The following PCDHGB2 variants were observed in gnomAD, a reference collection of about 807,000 sequenced individuals.
The protein encoded by PCDHGB2 is protocadherin gamma-B2.
PCDHGB2 carries 55 observed loss-of-function variants against 59.3 expected under a neutral mutation model. The observed-to-expected ratio is 0.93, with a 90% CI of 0.75 to 1.16. PCDHGB2 has a LOEUF of 1.16. Ranked by LOEUF, PCDHGB2 falls within the 50% of genes most tolerant of loss-of-function variation. PCDHGB2 has a pLI of 0.00. For synonymous variants in PCDHGB2, 516 were observed against 512.0 expected, an observed-to-expected ratio of 1.01 and a Z score of -0.11; for missense variants, 1,228 against 1,198.5, an observed-to-expected ratio of 1.02 and a Z score of -0.36.
chr5:141,370,731 C>T (rs757565497), intron 1 of PCDHGB2: 6 of 1,613,798 alleles, frequency 3.7e-6, no homozygotes, highest in Non-Finnish European at 5.1e-6. Context: ...TGCTGAAAAG[C>T]CTTTAAACTT....
intron 2 of PCDHGB2, among the ~76,000 whole-genome samples, chr5:141,498,277 G>T (rs1216561939): frequency 6.6e-6 from 1 of 151,924 alleles, no homozygotes; most frequent in African/African-American, 2.4e-5. Flanking sequence ...CAGTAAACTT[G>T]GTTCAAGATC....
chr5:141,495,921 T>C (rs959070876), intron 2 of PCDHGB2, among the ~76,000 whole-genome samples: 1 of 152,196 alleles, frequency 6.6e-6, no homozygotes, highest in Non-Finnish European at 1.5e-5. Context: ...TCTTTCTTTG[T>C]CTCTGTCTCT....
In PCDHGB2 at chr5:141,489,077, C is replaced by CCCCCCACCGGG; in HGVS notation, c.2422-5730_2422-5729insCCCCCACCGGG. ...AGCTCCCCTCCCCCCTGCCCACCCCCGCCACTCGGTGACTAAGAACTGCTG... is the reference window on the plus strand; with the variant it reads ...AGCTCCCCTCCCCCCTGCCCACCCCCCCCCCACCGGGGCCACTCGGTGACTAAGAACTGCTG... On this transcript the variant is annotated intron_variant, in intron 1 of 3. Transcript: ENST00000522605. The surrounding 1 kb of genome is among the most constrained non-coding windows in gnomAD (Gnocchi z 4.5). 6.1e-6 allele frequency: 2 copies of CCCCCCACCGGG among 325,756 alleles called. No individual in the cohort carries two copies. Among genetic ancestry groups the CCCCCCACCGGG allele is most frequent in the Non-Finnish European group, 5.5e-6 (1 of 181,460 alleles). The allele number at this position is 325,756 out of a possible 1,614,324, so 20.2% of individuals were successfully genotyped here.
chr5:141,414,263 A>G, intron 1 of PCDHGB2: 1 of 1,613,500 alleles, frequency 6.2e-7, no homozygotes, highest in Non-Finnish European at 8.5e-7. Flanking sequence ...GTGACTGAAG[A>G]TTCACCTCTG....
chr5:141,502,238 T>C (rs2099813398), intron 2 of PCDHGB2, among the ~76,000 whole-genome samples: 1 of 152,204 alleles, frequency 6.6e-6, no homozygotes, highest in Admixed American at 6.5e-5. Flanking sequence ...TGTGTTCTTT[T>C]ATCCTTTTTT....
At position 141,485,120 on chromosome 5, in the gene PCDHGB2, G is replaced by A. The variant is rs2099607447; in HGVS notation, c.2422-9687G>A. On this transcript the variant is annotated intron_variant, in intron 1 of 3. Coordinates refer to ENST00000522605, the MANE Select transcript of PCDHGB2 (RefSeq NM_018923.3). The surrounding 1 kb of genome is among the most constrained non-coding windows in gnomAD (Gnocchi z 5.7). ...TCCAGCTGCTGTGGCTGTTTGGGGC[G>A]GGTCGGCTTCATCCGCGTCTCAGGA... The A allele has an allele frequency of 1.5e-6, 2 of 1,348,050 alleles. No homozygotes were observed. Among genetic ancestry groups the A allele is most frequent in the Non-Finnish European group, 2.1e-6 (2 of 952,710 alleles). 83.5% of individuals were successfully genotyped at this position (1,348,050 alleles called of 1,614,324 possible).
intron 1 of PCDHGB2, among the ~76,000 whole-genome samples, chr5:141,482,053 C>G (rs2099551080): frequency 6.6e-6 from 1 of 150,558 alleles, no homozygotes; most frequent in Non-Finnish European, 1.5e-5. Flanking sequence ...CTGTTGCATT[C>G]CAGCCTGGGC....
intron 2 of PCDHGB2, among the ~76,000 whole-genome samples, chr5:141,503,682 G>A (rs1430771639): frequency 1.3e-5 from 2 of 151,974 alleles, no homozygotes; most frequent in South Asian, 4.1e-4. Flanking sequence ...CTTTTGGGAA[G>A]GAGAATTGAG....
At chr5:141,419,311 C>G (rs745852942) in intron 1 of PCDHGB2, 1 of 1,613,994 alleles carries the variant, frequency 6.2e-7, no homozygotes, top group Non-Finnish European at 8.5e-7. Flanking sequence ...TCGGGCTCAA[C>G]GGCCGTGTCT....
intron 1 of PCDHGB2, chr5:141,405,408 TTTTTTTG>T (rs2094659443): frequency 2.5e-6 from 4 of 1,572,390 alleles, no homozygotes; most frequent in African/African-American, 1.4e-5. Flanking sequence ...CTTTCTTTTC[TTTTTTTG>T]TTTTTTGTTT....
chr5:141,423,895 G>T, intron 1 of PCDHGB2: 1 of 1,277,758 alleles, frequency 7.8e-7, no homozygotes, highest in Non-Finnish European at 9.9e-7. Flanking sequence ...ATTTTCTTTT[G>T]ATTTCAAAGG....
chr5:141,469,505 G>T (rs2099202987), intron 1 of PCDHGB2, among the ~76,000 whole-genome samples: 1 of 152,138 alleles, frequency 6.6e-6, no homozygotes. Flanking sequence ...AACCCGGGAG[G>T]TGGAGGTTGC....
At chr5:141,379,474 T>C (rs1775619669) in intron 1 of PCDHGB2, 1 of 152,258 alleles carries the variant, frequency 6.6e-6, no homozygotes, top group Non-Finnish European at 1.5e-5. Context: ...AGTGTGAATG[T>C]TATTTTACTA....
rs563654735 is a variant in PCDHGB2 at position 141,365,009 on chromosome 5, C to T, written c.2421+2453C>T. On this transcript the variant is annotated intron_variant, in intron 1 of 3. Coordinates refer to ENST00000522605, the MANE Select transcript of PCDHGB2 (RefSeq NM_018923.3). ...AGACCCGGTACTCTCCGGCACCACG[C>T]ACATCCGTGTTACGGTCCTCGACGC... The T allele has an allele frequency of 7.4e-5, 119 of 1,613,926 alleles. No homozygotes were observed. The East Asian group carries it at 2.6e-3, about 36-fold the overall frequency.
chr5:141,389,726 C>T (rs150721796), intron 1 of PCDHGB2: 77,154 of 1,612,710 alleles, frequency 0.048, 2,225 homozygotes, highest in Non-Finnish European at 0.054. Context: ...AGCCCGGGCT[C>T]TTCAGCCTGG....
intron 1 of PCDHGB2, chr5:141,393,124 T>A: frequency 6.2e-7 from 1 of 1,613,430 alleles, no homozygotes; most frequent in Non-Finnish European, 8.5e-7. Flanking sequence ...CGGTGTCTGA[T>A]AAATATTAAC....
rs369529373 is a variant in PCDHGB2 at position 141,458,890 on chromosome 5, C to T, written c.2422-35917C>T. Among the ~76,000 whole-genome samples, 87 of 152,160 alleles carry T rather than the reference C, an allele frequency of 5.7e-4. 1 individual carries two copies. In the South Asian group the frequency reaches 0.016, roughly 28 times the overall value. ...TGGGACTACAGGCATGCACACCATG[C>T]GCAGCTAATTTTTTCTATTTTTTGT... On this transcript the variant is annotated intron_variant, in intron 1 of 3. Coordinates refer to ENST00000522605, the MANE Select transcript of PCDHGB2 (RefSeq NM_018923.3).
chr5:141,496,589 G>A (rs914585858), intron 2 of PCDHGB2, among the ~76,000 whole-genome samples: 7 of 152,124 alleles, frequency 4.6e-5, no homozygotes, highest in Admixed American at 6.5e-5. Flanking sequence ...AACGCAAAGC[G>A]CTTCTTAGAA....
intron 1 of PCDHGB2, chr5:141,423,965 T>C (rs911812056): frequency 8.1e-5 from 94 of 1,162,030 alleles, no homozygotes; most frequent in Admixed American, 1.3e-4. Context: ...TATTTTTCTA[T>C]TATCAGTGTA....
Sources: allele counts gnomAD v4.1 joint callset (sites outside exome capture counted in the v4.1 genomes callset), GRCh38; gene constraint gnomAD v4.1.1; non-coding constraint Gnocchi (gnomAD v3.1); transcripts MANE v1.5; gene names NCBI Gene and HGNC (gene_info 2026-07-23, HGNC 2026-07-21).